Variants in PAK5 observed in about 807,000 individuals in gnomAD.
The protein encoded by PAK5 is p21 (RAC1) activated kinase 5.
In PAK5, 16 loss-of-function variants were observed where a neutral mutation model predicts 65.9. The observed-to-expected ratio is 0.24, with a 90% CI of 0.16 to 0.37. The LOEUF (loss-of-function observed/expected upper bound fraction) is 0.37. Ranked by LOEUF, PAK5 falls within the 10% of genes least tolerant of loss-of-function variation. PAK5 has a pLI of 1.00. For synonymous variants in PAK5, 371 were observed against 354.9 expected (o/e 1.05, Z -0.51); for missense variants, 785 against 903.9 (o/e 0.87, Z 1.69).
chr20:9,710,954 C>A (rs2048070716), intron 2 of PAK5, among the ~76,000 whole-genome samples: 1 of 152,186 alleles, frequency 6.6e-6, no homozygotes, highest in African/African-American at 2.4e-5. Context: ...CAGTTCTCAG[C>A]TCAAACTCTC....
At chr20:9,612,079 C>A (rs1266057812) in intron 3 of PAK5, among the ~76,000 whole-genome samples, 1 of 152,062 alleles carries the variant, frequency 6.6e-6, no homozygotes, top group African/African-American at 2.4e-5. Flanking sequence ...GGGTGTCTGG[C>A]CCCCCATGGA....
intron 1 of PAK5, among the ~76,000 whole-genome samples, chr20:9,815,473 A>C (rs1054862377): frequency 2.0e-5 from 3 of 151,850 alleles, no homozygotes; most frequent in South Asian, 2.1e-4. Context: ...AAATCCATAC[A>C]CTCAGGTTTG....
At chr20:9,811,889 G>C (rs370508413) in intron 1 of PAK5, among the ~76,000 whole-genome samples, 41 of 152,100 alleles carry the variant, frequency 2.7e-4, no homozygotes, top group African/African-American at 9.6e-4. Flanking sequence ...TCAAACACTG[G>C]CTTCTCTCTT....
At chr20:9,657,519 T>C (rs1600206928) in intron 2 of PAK5, among the ~76,000 whole-genome samples, 1 of 152,240 alleles carries the variant, frequency 6.6e-6, no homozygotes, top group East Asian at 1.9e-4. Flanking sequence ...GGTTATATAT[T>C]AAAGTGGTAA....
At chr20:9,647,896 G>A (rs2047153723) in intron 2 of PAK5, among the ~76,000 whole-genome samples, 1 of 152,212 alleles carries the variant, frequency 6.6e-6, no homozygotes, top group Non-Finnish European at 1.5e-5. Flanking sequence ...TTAGCAAGGA[G>A]GAGGCCCACA....
At chr20:9,747,301 T>C (rs969211092) in intron 1 of PAK5, among the ~76,000 whole-genome samples, 15 of 151,826 alleles carry the variant, frequency 9.9e-5, no homozygotes, top group Non-Finnish European at 1.9e-4. Flanking sequence ...TTCCAGTCAA[T>C]AGAAAAAGAG....
intron 2 of PAK5, among the ~76,000 whole-genome samples, chr20:9,677,490 A>G (rs1033497403): frequency 1.3e-5 from 2 of 152,204 alleles, no homozygotes; most frequent in African/African-American, 4.8e-5. Context: ...GGGTGTGACC[A>G]CACTTAAGTT....
intron 3 of PAK5, among the ~76,000 whole-genome samples, chr20:9,615,004 C>T (rs992335799): frequency 6.6e-6 from 1 of 152,016 alleles, no homozygotes; most frequent in African/African-American, 2.4e-5. Context: ...AACATATATA[C>T]AAATGTGCTA....
chr20:9,711,806 A>G (rs1287595006), intron 1 of PAK5, among the ~76,000 whole-genome samples: 3 of 152,192 alleles, frequency 2.0e-5, no homozygotes, highest in Admixed American at 6.6e-5. Context: ...TTTTCAATAC[A>G]GTCAATTCTT....
At chr20:9,714,729 G>T (rs2048121555) in intron 1 of PAK5, among the ~76,000 whole-genome samples, 1 of 152,064 alleles carries the variant, frequency 6.6e-6, no homozygotes, top group Non-Finnish European at 1.5e-5. Flanking sequence ...AGAACCCTCA[G>T]AAATAATACC....
chr20:9,673,399 A>G (rs1261444831), intron 2 of PAK5, among the ~76,000 whole-genome samples: 1 of 152,248 alleles, frequency 6.6e-6, no homozygotes, highest in Non-Finnish European at 1.5e-5. Context: ...AGTATCTGTC[A>G]ATAGAGTAGC....
intron 1 of PAK5, among the ~76,000 whole-genome samples, chr20:9,816,395 G>A (rs1400303634): frequency 6.6e-6 from 1 of 152,120 alleles, no homozygotes; most frequent in Non-Finnish European, 1.5e-5. Context: ...CACATATCTG[G>A]TTAAATGTTA....
At chr20:9,585,036 C>T (rs893870706) in intron 3 of PAK5, among the ~76,000 whole-genome samples, 3 of 152,168 alleles carry the variant, frequency 2.0e-5, no homozygotes, top group Non-Finnish European at 2.9e-5. Flanking sequence ...TAGCAAAAAT[C>T]TTATCTTATC....
In PAK5 at chr20:9,581,490, G is replaced by T. The variant is rs1485424722; in HGVS notation, c.205-560C>A. On this transcript the variant is annotated intron_variant, in intron 3 of 9. Transcript: ENST00000353224. The stretch of plus-strand genomic sequence containing the variant: ...TGAGGTTATGAAATTTTATGGATGA[G>T]GCAGGCACTTCCTGAAACTGTAATT... Among the ~76,000 whole-genome samples, 3 of 152,144 alleles carry T rather than the reference G, an allele frequency of 2.0e-5. No homozygotes were observed. The East Asian group carries it at 5.8e-4, about 29-fold the overall frequency.
chr20:9,831,265 C>T (rs1455868015), intron 1 of PAK5, among the ~76,000 whole-genome samples: 1 of 152,226 alleles, frequency 6.6e-6, no homozygotes, highest in Non-Finnish European at 1.5e-5. Flanking sequence ...CGCCACATTC[C>T]TGGCAATTCT....
chr20:9,723,181 GT>G (rs1344507097), intron 1 of PAK5, among the ~76,000 whole-genome samples: 4 of 152,218 alleles, frequency 2.6e-5, no homozygotes, highest in African/African-American at 9.7e-5. Context: ...AAAACTGAAA[GT>G]GGGAATATTA....
intron 3 of PAK5, among the ~76,000 whole-genome samples, chr20:9,626,182 A>T (rs1009292582): frequency 6.6e-6 from 1 of 152,250 alleles, no homozygotes; most frequent in African/African-American, 2.4e-5. Context: ...AGAGGGTTTT[A>T]AAATTATGGC....
intron 3 of PAK5, among the ~76,000 whole-genome samples, chr20:9,581,436 T>A (rs2045979085): frequency 6.6e-6 from 1 of 152,318 alleles, no homozygotes; most frequent in South Asian, 2.1e-4. Context: ...GGTGTACATT[T>A]TTTGCCCTTA....
At chr20:9,793,516 G>T (rs1028301230) in intron 1 of PAK5, among the ~76,000 whole-genome samples, 2 of 151,802 alleles carry the variant, frequency 1.3e-5, no homozygotes, top group African/African-American at 4.8e-5. Flanking sequence ...TTTTGATGGG[G>T]TTGTTTGAAC....
Sources: gnomAD v4.1 joint callset for allele counts (sites outside exome capture counted in the v4.1 genomes callset) on GRCh38, gnomAD v4.1.1 for gene constraint, MANE v1.5 for transcripts, NCBI Gene and HGNC (gene_info 2026-07-23, HGNC 2026-07-21) for gene names.